Variants in DOK6 observed in about 807,000 individuals in gnomAD.
The protein encoded by DOK6 is docking protein 6.
In DOK6, 22 loss-of-function variants were observed where a neutral mutation model predicts 44.0. The ratio of observed to expected loss-of-function variants is 0.50; its 90% CI spans 0.36 to 0.71. The LOEUF is 0.71. DOK6 is among the 30% of genes least tolerant of loss of function. The pLI, the probability that DOK6 is intolerant of heterozygous loss-of-function variation, is 0.00. For missense variants in DOK6, 340 were observed against 416.4 expected, an observed-to-expected ratio of 0.82 and a Z score of 1.60; for synonymous variants, 166 against 145.5, an observed-to-expected ratio of 1.14 and a Z score of -1.01.
intron 1 of DOK6, among the ~76,000 whole-genome samples, chr18:69,449,467 T>C (rs1979392680): frequency 6.6e-6 from 1 of 152,242 alleles, no homozygotes; most frequent in Admixed American, 6.5e-5. Flanking sequence ...CCTTAGCATT[T>C]GAAATAAGGA....
At chr18:69,732,782 G>A (rs555355882) in intron 5 of DOK6, among the ~76,000 whole-genome samples, 1 of 152,278 alleles carries the variant, frequency 6.6e-6, no homozygotes, top group East Asian at 1.9e-4. Context: ...CTGAATTTTA[G>A]AGAGGGTTAA....
intron 1 of DOK6, among the ~76,000 whole-genome samples, chr18:69,458,576 C>T (rs182220172): frequency 1.3e-5 from 2 of 152,098 alleles, no homozygotes; most frequent in Non-Finnish European, 2.9e-5. Context: ...AAAAGGAATC[C>T]AAATATGAAA....
chr18:69,503,628 G>T (rs996118556), intron 1 of DOK6, among the ~76,000 whole-genome samples: 13 of 151,780 alleles, frequency 8.6e-5, no homozygotes, highest in Admixed American at 6.6e-4. Flanking sequence ...ACAAATACTT[G>T]TTTTTCAGTT....
At chr18:69,517,766 A>C (rs1981572021) in intron 1 of DOK6, among the ~76,000 whole-genome samples, 1 of 150,412 alleles carries the variant, frequency 6.6e-6, no homozygotes, top group South Asian at 2.1e-4. Flanking sequence ...CTTTTCTTAG[A>C]GATACTGTGT....
At chr18:69,595,952 C>T (rs2144619873) in intron 2 of DOK6, among the ~76,000 whole-genome samples, 1 of 152,256 alleles carries the variant, frequency 6.6e-6, no homozygotes, top group Non-Finnish European at 1.5e-5. Flanking sequence ...AAACAGAGTT[C>T]TCAGTCTCTT....
intron 1 of DOK6, among the ~76,000 whole-genome samples, chr18:69,474,369 C>T (rs1980203656): frequency 6.6e-6 from 1 of 152,102 alleles, no homozygotes; most frequent in Non-Finnish European, 1.5e-5. Context: ...ATTGGAGAAG[C>T]AGAAAAGCTT....
In DOK6 at chr18:69,402,058, C is replaced by T. The variant is rs558390719; in HGVS notation, c.66+748C>T. Among the ~76,000 whole-genome samples, 3 of 152,254 alleles carry T rather than the reference C, an allele frequency of 2.0e-5. No individual in the cohort carries two copies. The East Asian group carries it at 5.8e-4, about 29-fold the overall frequency. On this transcript the variant is annotated intron_variant, in intron 1 of 7. Transcript: ENST00000382713. ...CAGACGAGGCGGTAGGAGGGACTCA[C>T]GGGAGGCAGCGGGACAGGAGGGGCT...
At chr18:69,691,470 C>A (rs1443974327) in intron 4 of DOK6, among the ~76,000 whole-genome samples, 1 of 152,126 alleles carries the variant, frequency 6.6e-6, no homozygotes, top group African/African-American at 2.4e-5. Flanking sequence ...GGCTTCTCAC[C>A]TCACCCATGC....
intron 1 of DOK6, among the ~76,000 whole-genome samples, chr18:69,512,332 C>CTTCTT (rs59109570): frequency 1.1e-5 from 1 of 91,680 alleles, no homozygotes; most frequent in African/African-American, 4.7e-5. Flanking sequence ...CTTTCTTCTT[C>CTTCTT]TTTTTTTTTT....
intron 1 of DOK6, among the ~76,000 whole-genome samples, chr18:69,405,362 G>A (rs1029209287): frequency 6.6e-6 from 1 of 152,166 alleles, no homozygotes; most frequent in African/African-American, 2.4e-5. Flanking sequence ...GCTCACGCCT[G>A]TAATCCTAGC....
chr18:69,580,604 C>T (rs1225310476), intron 2 of DOK6, among the ~76,000 whole-genome samples: 1 of 152,110 alleles, frequency 6.6e-6, no homozygotes, highest in African/African-American at 2.4e-5. Flanking sequence ...TATTTTGATA[C>T]ATGTGTACAA....
At chr18:69,462,853 A>C (rs1308851525) in intron 1 of DOK6, among the ~76,000 whole-genome samples, 1 of 152,190 alleles carries the variant, frequency 6.6e-6, no homozygotes, top group Non-Finnish European at 1.5e-5. Flanking sequence ...GCCATTAAGA[A>C]ATGTCCTGCC....
chr18:69,460,334 G>A (rs1979752515), intron 1 of DOK6, among the ~76,000 whole-genome samples: 1 of 152,142 alleles, frequency 6.6e-6, no homozygotes, highest in South Asian at 2.1e-4. Context: ...CCAATGATAG[G>A]TCAGGTGTAA....
At chr18:69,447,618 C>A (rs1313418493) in intron 1 of DOK6, among the ~76,000 whole-genome samples, 3 of 151,998 alleles carry the variant, frequency 2.0e-5, no homozygotes, top group Non-Finnish European at 4.4e-5. Flanking sequence ...TCATAAGTTT[C>A]TTTCTTCTAT....
chr18:69,404,307 T>C (rs1045318760), intron 1 of DOK6, among the ~76,000 whole-genome samples: 2 of 152,202 alleles, frequency 1.3e-5, no homozygotes, highest in African/African-American at 4.8e-5. Flanking sequence ...TGTGTCTCAC[T>C]GGGGAAGCTA....
intron 5 of DOK6, among the ~76,000 whole-genome samples, chr18:69,726,591 G>A (rs1485990097): frequency 3.3e-5 from 5 of 151,946 alleles, no homozygotes; most frequent in East Asian, 1.9e-4. Context: ...TACCATAAAC[G>A]GGGTGGCCTA....
intron 1 of DOK6, among the ~76,000 whole-genome samples, chr18:69,548,937 C>CAA (rs746865103): frequency 6.6e-6 from 1 of 150,378 alleles, no homozygotes; most frequent in Admixed American, 6.6e-5. Context: ...ACTAAAAATA[C>CAA]AAAAAAAATT....
intron 2 of DOK6, among the ~76,000 whole-genome samples, chr18:69,569,027 A>G (rs1983053292): frequency 1.3e-5 from 2 of 152,048 alleles, no homozygotes; most frequent in Non-Finnish European, 2.9e-5. Context: ...TGCTTGAATC[A>G]TCCCGAAACT....
intron 5 of DOK6, among the ~76,000 whole-genome samples, chr18:69,730,226 T>C (rs1978356971): frequency 6.6e-6 from 1 of 152,250 alleles, no homozygotes; most frequent in Non-Finnish European, 1.5e-5. Flanking sequence ...ACATCCCCTT[T>C]CATGGACTGA....
Sources: gnomAD v4.1 joint callset for allele counts (sites outside exome capture counted in the v4.1 genomes callset) on GRCh38, gnomAD v4.1.1 for gene constraint, MANE v1.5 for transcripts, NCBI Gene and HGNC (gene_info 2026-07-23, HGNC 2026-07-21) for gene names.